The following ADGRL3 variants were observed in gnomAD, a reference collection of about 807,000 sequenced individuals.
ADGRL3 encodes the protein calcium-independent alpha-latrotoxin receptor 3.
Under a neutral mutation model 153.5 loss-of-function variants are expected in ADGRL3, and 62 were observed. That is an observed-to-expected ratio of 0.40 (90% CI 0.33 to 0.50). The LOEUF (loss-of-function observed/expected upper bound fraction) is 0.50, where lower values mean the gene tolerates loss of function less well. Ranked by LOEUF, ADGRL3 falls within the 20% of genes least tolerant of loss-of-function variation. ADGRL3 has a pLI of 0.47. For missense variants in ADGRL3, 1,641 were observed against 1,859.4 expected (o/e 0.88, Z 2.16); for synonymous variants, 710 against 672.5 (o/e 1.06, Z -0.86).
chr4:61,350,608 C>T (rs1223829332), intron 1 of ADGRL3, among the ~76,000 whole-genome samples: 1 of 152,102 alleles, frequency 6.6e-6, no homozygotes, highest in Non-Finnish European at 1.5e-5. Flanking sequence ...GGCATATACA[C>T]ACTTTATGTC....
chr4:61,432,652 T>C (rs916282332), intron 2 of ADGRL3, among the ~76,000 whole-genome samples: 7 of 90,138 alleles, frequency 7.8e-5, no homozygotes, highest in African/African-American at 3.3e-4. Flanking sequence ...CTTTCTTTCT[T>C]TCTTTTTTTT....
intron 19 of ADGRL3, among the ~76,000 whole-genome samples, 167 bp downstream of exon 19, chr4:61,983,770 C>G (rs913999870): frequency 6.6e-6 from 1 of 152,038 alleles, no homozygotes; most frequent in African/African-American, 2.4e-5. Flanking sequence ...GAAAAAAATA[C>G]CTTGAGACTT....
At chr4:61,871,325 T>C (rs1482772420) in intron 9 of ADGRL3, among the ~76,000 whole-genome samples, 1 of 151,406 alleles carries the variant, frequency 6.6e-6, no homozygotes, top group Non-Finnish European at 1.5e-5. Context: ...AGAATGTTAG[T>C]TATAATAGAT....
intron 1 of ADGRL3, among the ~76,000 whole-genome samples, chr4:61,312,234 A>G (rs969027060): frequency 6.6e-6 from 1 of 152,188 alleles, no homozygotes; most frequent in African/African-American, 2.4e-5. Context: ...ATAAAAAATG[A>G]GTCTAGACAC....
chr4:61,375,149 T>TAA (rs963740028), intron 1 of ADGRL3, among the ~76,000 whole-genome samples: 1 of 151,414 alleles, frequency 6.6e-6, no homozygotes. Flanking sequence ...TGGTAACTCT[T>TAA]AAAAAAAAAT....
In ADGRL3 at chr4:61,968,343, A is replaced by G. The variant is rs369191462; in HGVS notation, c.2806-11220A>G. ...AACTTCAAACAACTCAAGTAGAGTCAGTTCACCTTTTTCTAGGTTTCTTAC... is the reference window on the plus strand; with the variant it reads ...AACTTCAAACAACTCAAGTAGAGTCGGTTCACCTTTTTCTAGGTTTCTTAC... On this transcript the variant is annotated intron_variant, in intron 17 of 26. Transcript: ENST00000683033. Among the ~76,000 whole-genome samples, 11 of 152,296 alleles carry G rather than the reference A, an allele frequency of 7.2e-5. No individual in the cohort carries two copies. In the South Asian group the frequency reaches 2.1e-3, roughly 29 times the overall value.
At chr4:61,494,567 A>G (rs933222944) in intron 2 of ADGRL3, among the ~76,000 whole-genome samples, 8 of 152,344 alleles carry the variant, frequency 5.3e-5, no homozygotes, top group Admixed American at 2.6e-4. Flanking sequence ...CACTTATGAC[A>G]ATTGAGAATA....
chr4:61,916,236 C>CA (rs1295018109), intron 13 of ADGRL3, among the ~76,000 whole-genome samples: 5 of 151,588 alleles, frequency 3.3e-5, no homozygotes, highest in African/African-American at 9.7e-5. Flanking sequence ...GTTTTAACAA[C>CA]AAAAAAAATT....
intron 8 of ADGRL3, among the ~76,000 whole-genome samples, chr4:61,742,560 G>C (rs1354354058): frequency 6.6e-6 from 1 of 152,020 alleles, no homozygotes; most frequent in Non-Finnish European, 1.5e-5. Context: ...GATTACAGGC[G>C]TGAGACACCG....
intron 2 of ADGRL3, among the ~76,000 whole-genome samples, chr4:61,453,380 C>A (rs985220968): frequency 6.6e-6 from 1 of 152,052 alleles, no homozygotes; most frequent in Non-Finnish European, 1.5e-5. Flanking sequence ...TCAAAATGTT[C>A]ACAAATATGT....
chr4:61,910,145 GA>G (rs1020758420), intron 12 of ADGRL3, among the ~76,000 whole-genome samples: 1 of 151,564 alleles, frequency 6.6e-6, no homozygotes, highest in African/African-American at 2.4e-5. Flanking sequence ...ATAATAACAA[GA>G]AGATGTTATA....
chr4:62,014,599 G>A (rs2099202754), intron 21 of ADGRL3, among the ~76,000 whole-genome samples: 1 of 152,178 alleles, frequency 6.6e-6, no homozygotes, highest in African/African-American at 2.4e-5. Flanking sequence ...AAGCCCCATA[G>A]ATGGGTGAGA....
intron 4 of ADGRL3, among the ~76,000 whole-genome samples, chr4:61,549,617 T>C (rs2098731135): frequency 7.9e-6 from 1 of 127,080 alleles, no homozygotes; most frequent in Non-Finnish European, 1.7e-5. Flanking sequence ...TTATTTTTTA[T>C]GTTTTTTTTC....
At chr4:61,463,656 C>T (rs900113817) in intron 2 of ADGRL3, among the ~76,000 whole-genome samples, 3 of 152,006 alleles carry the variant, frequency 2.0e-5, no homozygotes, top group Non-Finnish European at 4.4e-5. Flanking sequence ...GGGCACAACA[C>T]TCTAAAATTT....
At chr4:61,555,980 C>G (rs1245157933) in intron 4 of ADGRL3, among the ~76,000 whole-genome samples, 1 of 152,028 alleles carries the variant, frequency 6.6e-6, no homozygotes, top group African/African-American at 2.4e-5. Context: ...GTCTTTATGA[C>G]CTGTATCTTG....
In ADGRL3 at chr4:61,232,128, G is replaced by C. The variant is rs949033690; in HGVS notation, c.-240+30363G>C. On this transcript the variant is annotated intron_variant, in intron 1 of 26. Transcript: ENST00000683033. Reference sequence around the variant, plus strand: ...GATTGCTGTCAAGGTCAAATGTTTTGATGCATATGAAGCACTCAGAATCAT... The same window carrying C: ...GATTGCTGTCAAGGTCAAATGTTTTCATGCATATGAAGCACTCAGAATCAT... Among the ~76,000 whole-genome samples, 3 of 152,082 alleles carry C rather than the reference G, an allele frequency of 2.0e-5. No individual in the cohort carries two copies. The South Asian group carries it at 6.2e-4, about 31-fold the overall frequency.
intron 8 of ADGRL3, among the ~76,000 whole-genome samples, chr4:61,749,494 T>C (rs984063370): frequency 8.5e-5 from 13 of 152,112 alleles, no homozygotes; most frequent in African/African-American, 3.1e-4. Context: ...ATTAAGAAAA[T>C]GTGGCACATA....
At chr4:61,846,114 A>G (rs561479064) in intron 9 of ADGRL3, among the ~76,000 whole-genome samples, 64 of 152,204 alleles carry the variant, frequency 4.2e-4, no homozygotes, top group Middle Eastern at 3.4e-3. Context: ...CAGGAGGTCA[A>G]CACCAGCCTG....
intron 1 of ADGRL3, among the ~76,000 whole-genome samples, chr4:61,341,718 T>C (rs2095811884): frequency 6.6e-6 from 1 of 152,088 alleles, no homozygotes; most frequent in African/African-American, 2.4e-5. Context: ...TAGTAGTTTC[T>C]ATATGCAAGG....
Sources: gnomAD v4.1 joint callset for allele counts (sites outside exome capture counted in the v4.1 genomes callset) on GRCh38, gnomAD v4.1.1 for gene constraint, MANE v1.5 for transcripts, NCBI Gene and HGNC (gene_info 2026-07-23, HGNC 2026-07-21) for gene names.